Variants in PLEKHA3 observed in about 807,000 individuals in gnomAD.
PLEKHA3 encodes the protein pleckstrin homology domain-containing family A member 3.
PLEKHA3 carries 19 observed loss-of-function variants against 39.2 expected under a neutral mutation model. That is an observed-to-expected ratio of 0.48 (90% CI 0.34 to 0.71). PLEKHA3 has a LOEUF of 0.71. Among genes scored for constraint, PLEKHA3 ranks in the 30% least tolerant of loss-of-function variants. PLEKHA3 has a pLI of 0.01. For missense variants in PLEKHA3, 253 were observed against 359.5 expected (o/e 0.70, Z 2.40); for synonymous variants, 97 against 118.6 (o/e 0.82, Z 1.18).
rs372476081 is a variant in PLEKHA3 at position 178,496,894 on chromosome 2, G to C, written c.615+1234G>C. ...TTTAATTTATTATTTGTAGAGATGGGGGGGGTCTCATTTTGTTGCCCAAGC... is the reference window on the plus strand; with the variant it reads ...TTTAATTTATTATTTGTAGAGATGGCGGGGGTCTCATTTTGTTGCCCAAGC... On this transcript the variant is annotated intron_variant, in intron 5 of 7. Transcript: ENST00000234453. Among the ~76,000 whole-genome samples the C allele has an allele frequency of 5.9e-5, 9 of 152,006 alleles. No homozygotes were observed. In the East Asian group the frequency reaches 9.7e-4, roughly 16 times the overall value.
intron 1 of PLEKHA3, among the ~76,000 whole-genome samples, chr2:178,482,695 C>T (rs1002394427): frequency 1.3e-5 from 2 of 151,978 alleles, no homozygotes; most frequent in Non-Finnish European, 2.9e-5. Context: ...GAGATGAAAC[C>T]TGGGCTTGGT....
intron 7 of PLEKHA3, chr2:178,502,566 GCTA>G (rs1452387104): frequency 1.8e-5 from 3 of 169,400 alleles, no homozygotes; most frequent in Non-Finnish European, 4.3e-5. Context: ...AGTTCTGTAT[GCTA>G]CCTTGTAGTT....
At chr2:178,483,335 A>G (rs1355545006) in intron 1 of PLEKHA3, among the ~76,000 whole-genome samples, 1 of 149,920 alleles carries the variant, frequency 6.7e-6, no homozygotes, top group Non-Finnish European at 1.5e-5. Flanking sequence ...TGAGATAAAA[A>G]GAATTAAAAA....
chr2:178,486,539 A>G (rs1040091185), intron 2 of PLEKHA3, among the ~76,000 whole-genome samples: 1 of 152,240 alleles, frequency 6.6e-6, no homozygotes, highest in Admixed American at 6.5e-5. Flanking sequence ...GCTATCAAAC[A>G]GTCTTCCTGA....
In PLEKHA3 at chr2:178,511,408, C is replaced by G. The variant is rs1355128559; in HGVS notation, c.*7521C>G. The G allele has an allele frequency of 1.4e-5, 2 of 146,628 alleles. No individual in the cohort carries two copies. The highest frequency in any genetic ancestry group is 3.9e-4 in the East Asian group (2 of 5,078). The allele number at this position is 146,628 out of a possible 1,614,324, so 9.1% of individuals were successfully genotyped here. A position where few individuals can be genotyped will look rare whatever the true frequency, so the allele number is the denominator to read the frequency against. On this transcript the variant is annotated 3_prime_UTR_variant, in exon 8 of 8. Transcript: ENST00000234453. ...TTTTTTTTTGAGACAGAGTCTCACT[C>G]TGTAGCCCAAGTTAGAGTGCAGTGA... is the stretch of plus-strand genomic sequence containing the variant.
chr2:178,483,982 T>C (rs1348391391), intron 1 of PLEKHA3, among the ~76,000 whole-genome samples: 2 of 152,074 alleles, frequency 1.3e-5, no homozygotes, highest in African/African-American at 4.8e-5. Context: ...GAGGCTGAGG[T>C]GGGAGCACCT....
intron 1 of PLEKHA3, among the ~76,000 whole-genome samples, chr2:178,482,454 G>A (rs1685182987): frequency 6.6e-6 from 1 of 150,712 alleles, no homozygotes; most frequent in Admixed American, 6.7e-5. Context: ...CGAAAGGATT[G>A]CTTTAGCTAG....
chr2:178,482,552 CAAAAAAA>C (rs557529546), intron 1 of PLEKHA3, among the ~76,000 whole-genome samples: 20 of 89,448 alleles, frequency 2.2e-4, no homozygotes, highest in Middle Eastern at 7.5e-3. Flanking sequence ...GATCCTGTCT[CAAAAAAA>C]AAAAAAAAAA....
intron 1 of PLEKHA3, 52 bp downstream of exon 1, chr2:178,480,961 G>A: frequency 3.1e-6 from 4 of 1,300,462 alleles, no homozygotes; most frequent in Non-Finnish European, 4.0e-6. Context: ...GGGCTGCTGA[G>A]AAGGCGGGTC....
chr2:178,482,222 T>C (rs140059119), intron 1 of PLEKHA3, among the ~76,000 whole-genome samples: 2,451 of 152,276 alleles, frequency 0.016, 31 homozygotes, highest in Middle Eastern at 0.031. Context: ...AGAGCAGTTA[T>C]ACTGTTTGGT....
chr2:178,502,309 T>C, intron 7 of PLEKHA3: 2 of 385,858 alleles, frequency 5.2e-6, no homozygotes, highest in Middle Eastern at 4.2e-4. Context: ...TATTCTATGC[T>C]CATTAACATT....
chr2:178,488,374 G>T (rs1189920241), intron 2 of PLEKHA3, among the ~76,000 whole-genome samples: 2 of 152,184 alleles, frequency 1.3e-5, no homozygotes, highest in African/African-American at 4.8e-5. Flanking sequence ...ATCCTTTTAT[G>T]ACCCACTGAA....
chr2:178,494,047 C>G, intron 4 of PLEKHA3, 58 bp downstream of exon 4: 1 of 1,541,916 alleles, frequency 6.5e-7, no homozygotes, highest in Non-Finnish European at 8.8e-7. Context: ...CTGGGGGGAT[C>G]CTCAGTCATT....
intron 6 of PLEKHA3, 133 bp downstream of exon 6, chr2:178,499,387 C>T (rs1432001967): frequency 3.9e-6 from 3 of 761,278 alleles, no homozygotes; most frequent in East Asian, 5.7e-5. Flanking sequence ...AGCATTTTAT[C>T]TCTCAGTATT....
rs569435389 is a variant in PLEKHA3 at position 178,506,616 on chromosome 2, G to A, written c.*2729G>A. On this transcript the variant is annotated 3_prime_UTR_variant, in exon 8 of 8. Coordinates refer to ENST00000234453, the MANE Select transcript of PLEKHA3 (RefSeq NM_019091.4). ...AAAATCACAAGATCTCAGGAAATGC[G>A]CCCTTGTGATATGTTAATACCAGAT... 1.2e-4 allele frequency: 18 copies of A among 152,178 alleles called. No homozygotes were observed. Among genetic ancestry groups the A allele is most frequent in the African/African-American group, 4.3e-4 (18 of 41,518 alleles). 9.4% of individuals were successfully genotyped at this position (152,178 alleles called of 1,614,324 possible).
Position 178,485,720 on chromosome 2 carries a change from C to A in PLEKHA3, c.120C>A (p.Ser40Arg). 1 of 1,613,254 alleles carries A rather than the reference C, an allele frequency of 6.2e-7. No homozygotes were observed. The highest frequency in any genetic ancestry group is 8.5e-7 in the Non-Finnish European group (1 of 1,179,492). The change falls in exon 2 of 8, where the codon AGC becomes AGA. Residue 40 changes from serine to arginine, a missense_variant. Transcript: ENST00000234453. The stretch of plus-strand genomic sequence containing the variant: ...CACAAGATGATGTTTGCAAAGGGAG[C>A]AAAGGAAGCATAAAGATGGCAGTTT... ...YDSQDDVCKG[S>R]KGSIKMAVCE...
chr2:178,515,620 T>C lies in PLEKHA3; in HGVS notation c.*11733T>C, dbSNP rs1204055072. ...GATTGTTTATACATTTATTTACCTC[T>C]TTTAAAAAATTTCTTCAGTTAATAT... On this transcript the variant is annotated 3_prime_UTR_variant, in exon 8 of 8. Coordinates refer to ENST00000234453, the MANE Select transcript of PLEKHA3 (RefSeq NM_019091.4). The C allele has an allele frequency of 6.6e-6, 1 of 152,140 alleles. No individual in the cohort carries two copies. Among genetic ancestry groups the C allele is most frequent in the Non-Finnish European group, 1.5e-5 (1 of 68,010 alleles). 9.4% of individuals were successfully genotyped at this position (152,140 alleles called of 1,614,324 possible). A position where few individuals can be genotyped will look rare whatever the true frequency, so the allele number is the denominator to read the frequency against.
In PLEKHA3 at chr2:178,515,809, C is replaced by T. The variant is rs887359407; in HGVS notation, c.*11922C>T. The T allele has an allele frequency of 1.3e-5, 2 of 151,698 alleles. No homozygotes were observed. The highest frequency in any genetic ancestry group is 2.9e-5 in the Non-Finnish European group (2 of 67,910). The allele number at this position is 151,698 out of a possible 1,614,324, so 9.4% of individuals were successfully genotyped here. A position where few individuals can be genotyped will look rare whatever the true frequency, so the allele number is the denominator to read the frequency against. ...ACTATCTTAATTATAATTGGCTTTC[C>T]AAAATTTTCACTTTTTTTCAGTTAA... On this transcript the variant is annotated 3_prime_UTR_variant, in exon 8 of 8. Coordinates refer to ENST00000234453, the MANE Select transcript of PLEKHA3 (RefSeq NM_019091.4).
intron 5 of PLEKHA3, among the ~76,000 whole-genome samples, chr2:178,496,162 C>G (rs1196508070): frequency 6.6e-6 from 1 of 152,186 alleles, no homozygotes; most frequent in Non-Finnish European, 1.5e-5. Context: ...TGTAAAAATA[C>G]AGTGTATATC....
Sources: allele counts gnomAD v4.1 joint callset (sites outside exome capture counted in the v4.1 genomes callset), GRCh38; gene constraint gnomAD v4.1.1; transcripts MANE v1.5; gene names NCBI Gene and HGNC (gene_info 2026-07-23, HGNC 2026-07-21).